OTUD6B: variants seen among roughly 807,000 people sequenced by gnomAD.
The protein encoded by OTUD6B is deubiquitinase OTUD6B.
In OTUD6B, 41 loss-of-function variants were observed where a neutral mutation model predicts 36.9. The ratio of observed to expected loss-of-function variants is 1.11; its 90% CI spans 0.87 to 1.44. OTUD6B has a LOEUF of 1.44. OTUD6B is among the 40% of genes most tolerant of loss of function. OTUD6B has a pLI of 0.00. For missense variants in OTUD6B, 356 were observed against 344.8 expected (o/e 1.03, Z -0.26); for synonymous variants, 114 against 114.2 (o/e 1.00, Z 0.01).
chr8:91,071,137 G>A lies in OTUD6B; in HGVS notation c.83-1G>A, dbSNP rs1438714655. The A allele has an allele frequency of 1.9e-6, 3 of 1,611,560 alleles. No individual in the cohort carries two copies. The highest frequency in any genetic ancestry group is 4.5e-5 in the East Asian group (2 of 44,832). On this transcript the variant is annotated splice_acceptor_variant, in intron 1 of 6. Coordinates refer to ENST00000404789, the MANE Select transcript of OTUD6B (RefSeq NM_016023.5). LOFTEE classifies it high-confidence loss of function. The stretch of plus-strand genomic sequence containing the variant: ...ACTTAATGATTTTAATGGCTTTTCA[G>A]CCAAAATTCAGGGCATGAAGAATGC...
chr8:91,077,120 T>C (rs1015222293), intron 3 of OTUD6B, among the ~76,000 whole-genome samples: 1 of 152,094 alleles, frequency 6.6e-6, no homozygotes, highest in East Asian at 1.9e-4. Flanking sequence ...AACTTATTAA[T>C]GTCAAAATTT....
Position 91,084,125 on chromosome 8 carries a change from A to G in OTUD6B, c.797+11A>G. 7.3e-7 allele frequency: 1 copy of G among 1,368,946 alleles called. No individual in the cohort carries two copies. Among genetic ancestry groups the G allele is most frequent in the Non-Finnish European group, 1.0e-6 (1 of 995,752 alleles). 84.8% of individuals were successfully genotyped at this position (1,368,946 alleles called of 1,614,324 possible). On this transcript the variant is annotated intron_variant, in intron 6 of 6. Transcript: ENST00000404789. ...ACCACTAATACTTGTGTAAGTACCT[A>G]GACATTTTTACTGTTTTATTTTTCA...
intron 5 of OTUD6B, among the ~76,000 whole-genome samples, chr8:91,080,948 T>C (rs1278715228): frequency 6.6e-6 from 1 of 152,180 alleles, no homozygotes; most frequent in Non-Finnish European, 1.5e-5. Flanking sequence ...TATTACATTT[T>C]AAATAGCTCA....
chr8:91,072,982 T>C (rs1812727971), intron 2 of OTUD6B, among the ~76,000 whole-genome samples: 1 of 152,232 alleles, frequency 6.6e-6, no homozygotes, highest in African/African-American at 2.4e-5. Flanking sequence ...ATCTTGCCTA[T>C]TGTCAATATA....
chr8:91,083,147 T>C (rs1374977142), intron 5 of OTUD6B, among the ~76,000 whole-genome samples: 2 of 152,160 alleles, frequency 1.3e-5, no homozygotes, highest in African/African-American at 2.4e-5. Flanking sequence ...TAGAAATTCA[T>C]TGATAGGGCA....
intron 2 of OTUD6B, among the ~76,000 whole-genome samples, chr8:91,072,720 C>G (rs537280352): frequency 6.6e-6 from 1 of 152,262 alleles, no homozygotes; most frequent in African/African-American, 2.4e-5. Flanking sequence ...TCCTAATTGT[C>G]TCCCCATCTT....
chr8:91,075,620 A>T (rs1286470754), intron 3 of OTUD6B, among the ~76,000 whole-genome samples: 1 of 152,102 alleles, frequency 6.6e-6, no homozygotes, highest in East Asian at 1.9e-4. Flanking sequence ...ACCATTTAGT[A>T]TCTTTTATAG....
chr8:91,082,453 T>C (rs1812923648), intron 5 of OTUD6B, among the ~76,000 whole-genome samples: 1 of 152,004 alleles, frequency 6.6e-6, no homozygotes, highest in Admixed American at 6.6e-5. Flanking sequence ...CCATCATTGT[T>C]CACTACAGTC....
chr8:91,081,896 A>G (rs1812914439), intron 5 of OTUD6B, among the ~76,000 whole-genome samples: 1 of 152,278 alleles, frequency 6.6e-6, no homozygotes, highest in South Asian at 2.1e-4. Context: ...TTACTACTAC[A>G]TTAGGAATAA....
intron 4 of OTUD6B, 54 bp from the exon 5 acceptor site, chr8:91,080,615 G>A: frequency 6.5e-7 from 1 of 1,542,524 alleles, no homozygotes; most frequent in East Asian, 2.4e-5. Context: ...AAGGGATTTT[G>A]TAACATGAGT....
At chr8:91,070,692 G>C (rs1812673042) in intron 1 of OTUD6B, among the ~76,000 whole-genome samples, 1 of 151,902 alleles carries the variant, frequency 6.6e-6, no homozygotes, top group African/African-American at 2.4e-5. Context: ...ACCCCGCGCC[G>C]CCGCCGGGGT....
At chr8:91,076,542 G>T in intron 3 of OTUD6B, 1 of 1,525,120 alleles carries the variant, frequency 6.6e-7, no homozygotes, top group East Asian at 2.5e-5. Context: ...AATAGTACAT[G>T]ACATCATTAA....
Position 91,078,628 on chromosome 8 carries a change from A to T in OTUD6B, c.588A>T (p.Pro196=), listed in dbSNP as rs1356662196. 1 of 1,593,904 alleles carries T rather than the reference A, an allele frequency of 6.3e-7. No homozygotes were observed. The highest frequency in any genetic ancestry group is 1.7e-4 in the Middle Eastern group (1 of 6,038). Reference sequence around the variant, plus strand: ...AAAGCCATGTGGAAGACTTTCTGCCATTTTTAACAAACCCTAATACAGGAG... The same window carrying T: ...AAAGCCATGTGGAAGACTTTCTGCCTTTTTTAACAAACCCTAATACAGGAG... The part of the protein sequence containing the change: ...YMQSHVEDFL[P]FLTNPNTGDM... Residue 196 remains proline, a synonymous_variant, in exon 4 of 7, where the codon CCA becomes CCT. Transcript: ENST00000404789.
At chr8:91,072,012 GT>G (rs1812711256) in intron 2 of OTUD6B, among the ~76,000 whole-genome samples, 1 of 152,186 alleles carries the variant, frequency 6.6e-6, no homozygotes, top group African/African-American at 2.4e-5. Flanking sequence ...GAAAGTGAAC[GT>G]GAAGTCATTT....
At chr8:91,081,933 G>C (rs1812914818) in intron 5 of OTUD6B, among the ~76,000 whole-genome samples, 1 of 152,076 alleles carries the variant, frequency 6.6e-6, no homozygotes, top group Non-Finnish European at 1.5e-5. Flanking sequence ...TTTCTTAAAA[G>C]GATCATTCAT....
chr8:91,070,948 GT>G (rs376355918), intron 1 of OTUD6B, 189 bp from the exon 2 acceptor site: 41,099 of 503,848 alleles, frequency 0.082, no homozygotes, highest in Non-Finnish European at 0.095. Flanking sequence ...TGTTAATGAA[GT>G]TTTTTTTTTT....
intron 2 of OTUD6B, 55 bp from the exon 3 acceptor site, chr8:91,073,776 A>G: frequency 1.3e-6 from 2 of 1,483,906 alleles, no homozygotes; most frequent in South Asian, 1.3e-5. Flanking sequence ...TATATTTATG[A>G]TTTTCAGTAA....
rs1413873520 is a variant in OTUD6B, at chr8:91,087,006, ATGTG to A, written c.*2142_*2145del. On this transcript the variant is annotated 3_prime_UTR_variant, in exon 7 of 7. Coordinates refer to ENST00000404789, the MANE Select transcript of OTUD6B (RefSeq NM_016023.5). ...TACAACTTGTATAAAGCAAAAAAGAATGTGTGTAACTATAGTGAACGCATAGTTT... is the reference window on the plus strand; with the variant it reads ...TACAACTTGTATAAAGCAAAAAAGAATGTAACTATAGTGAACGCATAGTTT... 3 of 152,068 alleles carry A rather than the reference ATGTG, an allele frequency of 2.0e-5. No individual in the cohort carries two copies. The East Asian group carries it at 5.8e-4, about 29-fold the overall frequency. 9.4% of individuals were successfully genotyped at this position (152,068 alleles called of 1,614,324 possible).
chr8:91,082,577 C>A (rs1207668851), intron 5 of OTUD6B, among the ~76,000 whole-genome samples: 4 of 151,916 alleles, frequency 2.6e-5, no homozygotes, highest in Non-Finnish European at 4.4e-5. Flanking sequence ...CCAGGCTGGT[C>A]TCGAACGCCT....
Sources: gnomAD v4.1 joint callset for allele counts (sites outside exome capture counted in the v4.1 genomes callset) on GRCh38, gnomAD v4.1.1 for gene constraint, MANE v1.5 for transcripts, NCBI Gene and HGNC (gene_info 2026-07-23, HGNC 2026-07-21) for gene names.